XKR4: variants seen among roughly 807,000 people sequenced by gnomAD.
XKR4 encodes the protein XK related 4.
XKR4 carries 12 observed loss-of-function variants against 53.9 expected under a neutral mutation model. That is an observed-to-expected ratio of 0.22 (90% CI 0.14 to 0.36). The LOEUF (loss-of-function observed/expected upper bound fraction) is 0.36. Ranked by LOEUF, XKR4 falls within the 10% of genes least tolerant of loss-of-function variation. The pLI, the probability that XKR4 is intolerant of heterozygous loss-of-function variation, is 1.00. For missense variants in XKR4, 799 were observed against 859.5 expected (o/e 0.93, Z 0.88); for synonymous variants, 354 against 362.4 (o/e 0.98, Z 0.26).
At chr8:55,183,557 T>G (rs1817341377) in intron 1 of XKR4, among the ~76,000 whole-genome samples, 2 of 152,134 alleles carry the variant, frequency 1.3e-5, no homozygotes, top group Non-Finnish European at 2.9e-5. Context: ...TATATCTCTC[T>G]GTTACTGATT....
chr8:55,427,886 T>A (rs1034092460), intron 2 of XKR4, among the ~76,000 whole-genome samples: 1 of 152,202 alleles, frequency 6.6e-6, no homozygotes, highest in Non-Finnish European at 1.5e-5. Flanking sequence ...TAGTTTATAA[T>A]CATTACCCTA....
chr8:55,127,840 C>T (rs1442577318), intron 1 of XKR4, among the ~76,000 whole-genome samples: 1 of 148,786 alleles, frequency 6.7e-6, no homozygotes, highest in East Asian at 2.0e-4. Flanking sequence ...GTTTGGTTTT[C>T]TGTCCTTGCG....
intron 2 of XKR4, among the ~76,000 whole-genome samples, chr8:55,506,140 T>C (rs919815478): frequency 6.6e-5 from 10 of 152,198 alleles, no homozygotes; most frequent in African/African-American, 2.4e-4. Context: ...TCAGAGGTTT[T>C]TTGTGTTTGT....
At chr8:55,205,017 T>G (rs1467697425) in intron 1 of XKR4, among the ~76,000 whole-genome samples, 1 of 152,296 alleles carries the variant, frequency 6.6e-6, no homozygotes, top group South Asian at 2.1e-4. Context: ...GTGTTCCTAA[T>G]TGCTGCCGAC....
chr8:55,470,390 T>C (rs1209646849), intron 2 of XKR4, among the ~76,000 whole-genome samples: 1 of 152,124 alleles, frequency 6.6e-6, no homozygotes, highest in Non-Finnish European at 1.5e-5. Context: ...CCCATACTGT[T>C]CTCATGGTAG....
At chr8:55,307,917 T>A (rs939121861) in intron 1 of XKR4, among the ~76,000 whole-genome samples, 1 of 152,146 alleles carries the variant, frequency 6.6e-6, no homozygotes, top group Non-Finnish European at 1.5e-5. Flanking sequence ...CTAAACTAAA[T>A]ACAGTTATCA....
At chr8:55,226,527 T>A (rs748291464) in intron 1 of XKR4, among the ~76,000 whole-genome samples, 5 of 152,182 alleles carry the variant, frequency 3.3e-5, no homozygotes, top group Non-Finnish European at 5.9e-5. Flanking sequence ...ACAAGACGTA[T>A]CCATCCTGTT....
At position 55,535,121 on chromosome 8, in the gene XKR4, C is replaced by T. The variant is rs17436472; in HGVS notation, c.*10894C>T. The T allele has an allele frequency of 0.35, 53,274 of 151,958 alleles. 9,559 individuals carry two copies. The highest frequency in any genetic ancestry group is 0.39 in the Middle Eastern group (116 of 294). The allele number at this position is 151,958 out of a possible 1,614,324, so 9.4% of individuals were successfully genotyped here. On this transcript the variant is annotated 3_prime_UTR_variant, in exon 3 of 3. Coordinates refer to ENST00000327381, the MANE Select transcript of XKR4 (RefSeq NM_052898.2). ...TGATCTTCCCAGTTATCAGCACTAG[C>T]ATCACGGCGAGTCAGTTTTCAGAAC...
At chr8:55,482,147 A>C (rs565196180) in intron 2 of XKR4, among the ~76,000 whole-genome samples, 1,600 of 152,280 alleles carry the variant, frequency 0.011, 26 homozygotes, top group African/African-American at 0.037. Context: ...GAACCAACCC[A>C]AATGTCCAAC....
chr8:55,173,798 A>G (rs1161104003), intron 1 of XKR4, among the ~76,000 whole-genome samples: 1 of 152,256 alleles, frequency 6.6e-6, no homozygotes, highest in Non-Finnish European at 1.5e-5. Flanking sequence ...AGGAATTTGA[A>G]CAATTTGGCT....
intron 1 of XKR4, among the ~76,000 whole-genome samples, chr8:55,181,166 T>C (rs1485894821): frequency 6.6e-6 from 1 of 152,226 alleles, no homozygotes; most frequent in Admixed American, 6.5e-5. Context: ...TTTCTGATGT[T>C]GTTTTGGTAC....
At chr8:55,293,909 G>T (rs1367523015) in intron 1 of XKR4, among the ~76,000 whole-genome samples, 1 of 152,132 alleles carries the variant, frequency 6.6e-6, no homozygotes, top group Non-Finnish European at 1.5e-5. Flanking sequence ...ATTTATATCT[G>T]CATTTAAGCT....
chr8:55,152,555 G>A (rs1000098411), intron 1 of XKR4, among the ~76,000 whole-genome samples: 1 of 152,104 alleles, frequency 6.6e-6, no homozygotes, highest in African/African-American at 2.4e-5. Context: ...CTTATAAAGG[G>A]TTGATTACTT....
At chr8:55,351,434 A>T (rs1585533958) in intron 1 of XKR4, among the ~76,000 whole-genome samples, 1 of 152,280 alleles carries the variant, frequency 6.6e-6, no homozygotes, top group African/African-American at 2.4e-5. Context: ...GTACCAGAAG[A>T]GTTCAAGTCC....
intron 1 of XKR4, among the ~76,000 whole-genome samples, chr8:55,114,937 C>T (rs1563459809): frequency 6.6e-6 from 1 of 152,202 alleles, no homozygotes; most frequent in African/African-American, 2.4e-5. Context: ...AAAAAGTCTA[C>T]TCACTAGGAA....
At chr8:55,356,136 G>T (rs1483373858) in intron 1 of XKR4, among the ~76,000 whole-genome samples, 2 of 152,172 alleles carry the variant, frequency 1.3e-5, no homozygotes, top group East Asian at 3.8e-4. Context: ...GAGAGCTGGA[G>T]AAGTATTCTA....
chr8:55,387,245 T>G lies in XKR4; in HGVS notation c.1006+29368T>G, dbSNP rs949822. ...GCTGCTCTGACTCCAGGAGCACTCT[T>G]CTCAGCCCTCTGGGCTGTCCTTGGC... On this transcript the variant is annotated intron_variant, in intron 2 of 2. Transcript: ENST00000327381. Among the ~76,000 whole-genome samples the G allele has an allele frequency of 7.1e-3, 1,081 of 152,328 alleles. 15 individuals are homozygous for G. The highest frequency in any genetic ancestry group is 0.025 in the African/African-American group (1,026 of 41,582).
intron 1 of XKR4, among the ~76,000 whole-genome samples, chr8:55,133,541 G>A (rs1403732726): frequency 6.6e-6 from 1 of 152,174 alleles, no homozygotes; most frequent in East Asian, 1.9e-4. Context: ...GAGGTATCTC[G>A]TGTCTGTGAA....
At chr8:55,275,315 A>C (rs1585981298) in intron 1 of XKR4, among the ~76,000 whole-genome samples, 1 of 152,338 alleles carries the variant, frequency 6.6e-6, no homozygotes, top group African/African-American at 2.4e-5. Flanking sequence ...AATGGATTTT[A>C]TAGTAATAGA....
Sources: gnomAD v4.1 joint callset for allele counts (sites outside exome capture counted in the v4.1 genomes callset) on GRCh38, gnomAD v4.1.1 for gene constraint, MANE v1.5 for transcripts, NCBI Gene and HGNC (gene_info 2026-07-23, HGNC 2026-07-21) for gene names.